Variants in SYPL1 observed in about 807,000 individuals in gnomAD.
SYPL1 encodes synaptophysin like 1, also known as synaptophysin-like protein 1.
SYPL1 carries 6 observed loss-of-function variants against 23.7 expected under a neutral mutation model. The observed-to-expected ratio is 0.25, with a 90% CI of 0.14 to 0.50. The LOEUF (loss-of-function observed/expected upper bound fraction) is 0.50, where lower values mean the gene tolerates loss of function less well. Among genes scored for constraint, SYPL1 ranks in the 20% least tolerant of loss-of-function variants. The pLI is 0.98. For synonymous variants in SYPL1, 102 were observed against 104.5 expected (o/e 0.98, Z 0.15); for missense variants, 253 against 288.9 (o/e 0.88, Z 0.90).
chr7:106,108,087 C>G (rs987966140), intron 1 of SYPL1, among the ~76,000 whole-genome samples: 1 of 151,724 alleles, frequency 6.6e-6, no homozygotes, highest in African/African-American at 2.4e-5. Context: ...CCCAGCTACT[C>G]GGGAGACTAA....
intron 1 of SYPL1, among the ~76,000 whole-genome samples, chr7:106,106,482 G>A (rs1012819511): frequency 1.1e-4 from 16 of 151,468 alleles, no homozygotes; most frequent in Admixed American, 6.6e-5. Flanking sequence ...AACCTGGGAG[G>A]CGGAAGTTGC....
chr7:106,112,418 C>G, upstream of SYPL1: 4 of 1,057,202 alleles, frequency 3.8e-6, no homozygotes, highest in Non-Finnish European at 4.8e-6. Context: ...CGGAGTGGGG[C>G]GGCTGGGGAG....
chr7:106,099,421 G>T, intron 1 of SYPL1, 139 bp from the exon 2 acceptor site: 1 of 1,087,330 alleles, frequency 9.2e-7, no homozygotes, highest in Non-Finnish European at 1.3e-6. Context: ...TTTGAGACAG[G>T]GTTTCTGTCG....
intron 1 of SYPL1, among the ~76,000 whole-genome samples, chr7:106,101,489 A>C: frequency 7.6e-6 from 1 of 131,446 alleles, no homozygotes; most frequent in South Asian, 2.7e-4. Context: ...ACATGAAAAG[A>C]ATCTGGTTAC....
At chr7:106,112,325 C>G, upstream of SYPL1, 2 of 1,151,186 alleles carry the variant, frequency 1.7e-6, no homozygotes, top group Non-Finnish European at 2.2e-6. Flanking sequence ...TGGCCGGGCT[C>G]GGAGGCGGGC....
intron 1 of SYPL1, among the ~76,000 whole-genome samples, chr7:106,103,076 A>G (rs746882182): frequency 3.3e-5 from 5 of 152,228 alleles, no homozygotes; most frequent in Non-Finnish European, 5.9e-5. Context: ...ATTTACTAGT[A>G]TATAGATCTA....
At chr7:106,107,231 CCAAGGTATGATTTTTATGAGT>C (rs535322557) in intron 1 of SYPL1, among the ~76,000 whole-genome samples, 2,277 of 152,160 alleles carry the variant, frequency 0.015, 44 homozygotes, top group African/African-American at 0.052. Flanking sequence ...ATGCCTAGAG[CCAAGGTATGATTTTTATGAGT>C]CAAAGTCCAA....
Position 106,093,068 on chromosome 7 carries a change from T to G in SYPL1, c.472A>C (p.Thr158Pro), listed in dbSNP as rs758880040. Reference protein sequence around the residue: ...VSTSAWAKALTDIKIATGHNI... With the variant: ...VSTSAWAKALPDIKIATGHNI... ...TGACCAGTAGCTATTTTAATATCTG[T>G]CAGAGCTTTAGCCCAGGCTGAAGTG... The change falls in exon 4 of 5, where the codon ACA becomes CCA. Residue 158 changes from threonine to proline, a missense_variant. By Grantham distance (38) the Thr-to-Pro change is conservative. Coordinates refer to ENST00000455385, the MANE Select transcript of SYPL1 (RefSeq NM_182715.4). 29 of 1,613,676 alleles carry G rather than the reference T, an allele frequency of 1.8e-5. No homozygotes were observed. The highest frequency in any genetic ancestry group is 2.3e-5 in the Non-Finnish European group (27 of 1,179,862).
Position 106,097,851 on chromosome 7 carries a change from C to T in SYPL1, c.241G>A (p.Asp81Asn). ...FQPPPGVNICDVNWKDYVLIG... is the reference protein window; with the variant it reads ...FQPPPGVNICNVNWKDYVLIG... ...AGGACGTAATCTTTCCAATTTACAT[C>T]ACATATGTTTACACCTGGAGGTGGC... Residue 81 changes from aspartate (D) to asparagine (N), a missense_variant, in exon 3 of 5, where the codon GAT becomes AAT. Physicochemically the swap from Asp to Asn is conservative, Grantham distance 23. Coordinates refer to ENST00000455385, the MANE Select transcript of SYPL1 (RefSeq NM_182715.4). This position sits in a 1 kb window ranked among gnomAD's most constrained non-coding sequence, Gnocchi z 4.6. 6.2e-7 allele frequency: 1 copy of T among 1,613,860 alleles called. No individual in the cohort carries two copies. Among genetic ancestry groups the T allele is most frequent in the Non-Finnish European group, 8.5e-7 (1 of 1,179,850 alleles).
rs1839965584 is a variant in SYPL1, at chr7:106,095,363, C to CT, written c.403-2227_403-2226insA. Among the ~76,000 whole-genome samples the CT allele has an allele frequency of 7.1e-6, 1 of 139,962 alleles. No individual in the cohort carries two copies. Among genetic ancestry groups the CT allele is most frequent in the Non-Finnish European group, 1.5e-5 (1 of 65,266 alleles). The allele number at this position is 139,962 out of a possible 152,430, so 91.8% of individuals were successfully genotyped here. A position where few individuals can be genotyped will look rare whatever the true frequency, so the allele number is the denominator to read the frequency against. On this transcript the variant is annotated intron_variant, in intron 3 of 4. Coordinates refer to ENST00000455385, the MANE Select transcript of SYPL1 (RefSeq NM_182715.4). This position sits in a 1 kb window ranked among gnomAD's most constrained non-coding sequence, Gnocchi z 4.3. ...TCAAAAAAAACCTTTTTTTTTTTTTCCCCTGAGATGGAGTCTTGCTCTGTC... is the reference window on the plus strand; with the variant it reads ...TCAAAAAAAACCTTTTTTTTTTTTTCTCCCTGAGATGGAGTCTTGCTCTGTC...
Position 106,091,593 on chromosome 7 carries a change from C to A in SYPL1, c.*212G>T. The A allele has an allele frequency of 2.2e-6, 1 of 459,250 alleles. No individual in the cohort carries two copies. Among genetic ancestry groups the A allele is most frequent in the Non-Finnish European group, 3.7e-6 (1 of 269,040 alleles). The allele number at this position is 459,250 out of a possible 1,614,324, so 28.4% of individuals were successfully genotyped here. On this transcript the variant is annotated 3_prime_UTR_variant, in exon 5 of 5. Coordinates refer to ENST00000455385, the MANE Select transcript of SYPL1 (RefSeq NM_182715.4). This position sits in a 1 kb window ranked among gnomAD's most constrained non-coding sequence, Gnocchi z 5.0. ...AAATGTGTATCATTTCATAATAGAC[C>A]CCTGAACTTTCAAATTTACATGTGA... is the stretch of plus-strand genomic sequence containing the variant.
chr7:106,100,147 G>A lies in SYPL1; in HGVS notation c.70-865C>T, dbSNP rs367887559. ...CAGCAGAGAAGAGACACTATTTCAT[G>A]AGCCTGTTAAACCTCCCTTGTGGGT... is the stretch of plus-strand genomic sequence containing the variant. On this transcript the variant is annotated intron_variant, in intron 1 of 4. Transcript: ENST00000455385. This position sits in a 1 kb window ranked among gnomAD's most constrained non-coding sequence, Gnocchi z 5.1. Among the ~76,000 whole-genome samples, 1 of 152,178 alleles carries A rather than the reference G, an allele frequency of 6.6e-6. No individual in the cohort carries two copies. Among genetic ancestry groups the A allele is most frequent in the African/African-American group, 2.4e-5 (1 of 41,436 alleles).
chr7:106,112,370 C>G (rs1257708581), upstream of SYPL1: 3 of 1,190,196 alleles, frequency 2.5e-6, no homozygotes, highest in African/African-American at 5.3e-5. Flanking sequence ...GGCGGAGCGG[C>G]GGCGGTTGAG....
At chr7:106,094,254 GTTA>G (rs1839903447) in intron 3 of SYPL1, among the ~76,000 whole-genome samples, 1 of 151,860 alleles carries the variant, frequency 6.6e-6, no homozygotes, top group South Asian at 2.1e-4. Flanking sequence ...TGGTGCAAAA[GTTA>G]TTATGGTTTT....
At chr7:106,103,536 A>C (rs1840434230) in intron 1 of SYPL1, among the ~76,000 whole-genome samples, 2 of 152,246 alleles carry the variant, frequency 1.3e-5, no homozygotes, top group Non-Finnish European at 2.9e-5. Flanking sequence ...TGAACACTTT[A>C]CATGTCACTA....
chr7:106,103,654 A>T (rs1477074076), intron 1 of SYPL1, among the ~76,000 whole-genome samples: 1 of 152,260 alleles, frequency 6.6e-6, no homozygotes, highest in Admixed American at 6.5e-5. Context: ...CGACTTGTTC[A>T]AACAATAATC....
upstream of SYPL1, chr7:106,112,376 T>C: frequency 1.5e-6 from 2 of 1,296,824 alleles, no homozygotes; most frequent in Non-Finnish European, 2.0e-6. Flanking sequence ...GCGGCGGCGG[T>C]TGAGCTGCTG....
In SYPL1 at chr7:106,099,159, T is replaced by C; in HGVS notation, c.193A>G (p.Arg65Gly). 1 of 1,608,212 alleles carries C rather than the reference T, an allele frequency of 6.2e-7. No individual in the cohort carries two copies. Among genetic ancestry groups the C allele is most frequent in the Non-Finnish European group, 8.5e-7 (1 of 1,178,534 alleles). Reference sequence around the variant, plus strand: ...ACCATTAAAATAAATATAACTCACCTGAATGGATAACCAAAAGTAGCTGTA... The same window carrying C: ...ACCATTAAAATAAATATAACTCACCCGAATGGATAACCAAAAGTAGCTGTA... ...TVTATFGYPFRLNEASFQPPP... is the reference protein window; with the variant it reads ...TVTATFGYPFGLNEASFQPPP... Residue 65 changes from arginine to glycine, a missense_variant and splice_region_variant, in exon 2 of 5, where the codon AGG (arginine) becomes GGG (glycine). Coordinates refer to ENST00000455385, the MANE Select transcript of SYPL1 (RefSeq NM_182715.4).
At chr7:106,093,209 G>A (rs1839846783) in intron 3 of SYPL1, 72 bp from the exon 4 acceptor site, 2 of 1,356,856 alleles carry the variant, frequency 1.5e-6, no homozygotes, top group African/African-American at 1.5e-5. Flanking sequence ...CCATGATGAA[G>A]AAACTGAGAT....
Sources: gnomAD v4.1 joint callset for allele counts (sites outside exome capture counted in the v4.1 genomes callset) on GRCh38, gnomAD v4.1.1 for gene constraint, Gnocchi (gnomAD v3.1) non-coding constraint, MANE v1.5 for transcripts, NCBI Gene and HGNC (gene_info 2026-07-23, HGNC 2026-07-21) for gene names.